The following HPGD variants were observed in gnomAD, a reference collection of about 807,000 sequenced individuals.
HPGD encodes the protein 15-hydroxyprostaglandin dehydrogenase.
In HPGD, 29 loss-of-function variants were observed where a neutral mutation model predicts 30.0. The observed-to-expected ratio is 0.97, with a 90% CI of 0.72 to 1.32. The LOEUF is 1.32. Among genes scored for constraint, HPGD ranks in the 40% most tolerant of loss-of-function variants. The pLI is 0.00. For missense variants in HPGD, 340 were observed against 322.1 expected, an observed-to-expected ratio of 1.06 and a Z score of -0.43; for synonymous variants, 99 against 112.4, an observed-to-expected ratio of 0.88 and a Z score of 0.75.
At chr4:174,500,732 G>A (rs1047227464) in intron 4 of HPGD, among the ~76,000 whole-genome samples, 3 of 152,180 alleles carry the variant, frequency 2.0e-5, no homozygotes, top group African/African-American at 7.2e-5. Flanking sequence ...TTACCAGGAG[G>A]TGGTGGGAGG....
At chr4:174,509,102 A>T (rs1433677360) in intron 3 of HPGD, among the ~76,000 whole-genome samples, 2 of 152,150 alleles carry the variant, frequency 1.3e-5, no homozygotes. Flanking sequence ...ATCTTCAATA[A>T]TTCCATATAT....
intron 3 of HPGD, among the ~76,000 whole-genome samples, chr4:174,510,091 C>T (rs1327179868): frequency 1.3e-5 from 2 of 152,104 alleles, no homozygotes; most frequent in African/African-American, 4.8e-5. Context: ...GAAAACGATA[C>T]AATAGGTAAT....
chr4:174,491,666 A>G lies in HPGD; in HGVS notation c.*290T>C, dbSNP rs1250379259. The G allele has an allele frequency of 1.1e-5, 4 of 358,982 alleles. No individual in the cohort carries two copies. The highest frequency in any genetic ancestry group is 2.1e-5 in the Non-Finnish European group (4 of 191,400). The allele number at this position is 358,982 out of a possible 1,614,324, so 22.2% of individuals were successfully genotyped here. The stretch of plus-strand genomic sequence containing the variant: ...TAATATTTATGAAGCACAGATATAA[A>G]TACACTTTCTGAAAGGCAGAATATT... On this transcript the variant is annotated 3_prime_UTR_variant, in exon 7 of 7. Transcript: ENST00000296522.
intron 3 of HPGD, among the ~76,000 whole-genome samples, chr4:174,513,640 A>G (rs1460416904): frequency 6.6e-6 from 1 of 152,052 alleles, no homozygotes; most frequent in Non-Finnish European, 1.5e-5. Context: ...GTGTCTAACT[A>G]CAGATTAGAG....
chr4:174,502,662 A>G (rs1734975167), intron 4 of HPGD, among the ~76,000 whole-genome samples: 1 of 136,958 alleles, frequency 7.3e-6, no homozygotes. Flanking sequence ...TGGGCGACAG[A>G]GCGAGACTCC....
intron 3 of HPGD, among the ~76,000 whole-genome samples, chr4:174,516,931 A>G (rs994795713): frequency 1.3e-5 from 2 of 152,146 alleles, no homozygotes; most frequent in African/African-American, 4.8e-5. Context: ...GAAAAACACA[A>G]CCCAGTTCTT....
chr4:174,512,032 T>C (rs568981724), intron 3 of HPGD, among the ~76,000 whole-genome samples: 3 of 152,200 alleles, frequency 2.0e-5, no homozygotes, highest in East Asian at 3.9e-4. Context: ...TAAAATAGCC[T>C]AATGGAAACC....
At chr4:174,513,081 C>A (rs1735592420) in intron 3 of HPGD, among the ~76,000 whole-genome samples, 1 of 152,154 alleles carries the variant, frequency 6.6e-6, no homozygotes, top group South Asian at 2.1e-4. Context: ...TTTCTGACAG[C>A]TGATTTTTCA....
chr4:174,512,500 G>A (rs969945904), intron 3 of HPGD, among the ~76,000 whole-genome samples: 23 of 152,048 alleles, frequency 1.5e-4, no homozygotes, highest in South Asian at 2.1e-4. Flanking sequence ...ACATGCAAAA[G>A]AACAAACATG....
chr4:174,495,920 G>A, intron 4 of HPGD: 2 of 369,126 alleles, frequency 5.4e-6, no homozygotes, highest in Non-Finnish European at 1.0e-5. Flanking sequence ...GAAAGTAAAT[G>A]GTATCTAAAA....
chr4:174,495,748 GT>G lies in HPGD; in HGVS notation c.422-125del, dbSNP rs1168955388. The G allele has an allele frequency of 7.0e-5, 52 of 746,194 alleles. No homozygotes were observed. The East Asian group carries it at 1.4e-3, about 20-fold the overall frequency. The allele number at this position is 746,194 out of a possible 1,614,324, so 46.2% of individuals were successfully genotyped here. A position where few individuals can be genotyped will look rare whatever the true frequency, so the allele number is the denominator to read the frequency against. ...ATTTAAGATGAATCTGAATAACACA[GT>G]AACATAAAACCAGATAGCTTTGTGA... On this transcript the variant is annotated intron_variant, in intron 4 of 6. Coordinates refer to ENST00000296522, the MANE Select transcript of HPGD (RefSeq NM_000860.6).
At chr4:174,521,407 CTAT>C (rs946894582) in intron 2 of HPGD, among the ~76,000 whole-genome samples, 1 of 152,046 alleles carries the variant, frequency 6.6e-6, no homozygotes, top group African/African-American at 2.4e-5. Flanking sequence ...ATTATGATTA[CTAT>C]TATTATTATT....
chr4:174,522,452 G>T lies in HPGD; in HGVS notation c.-1C>A. 1 of 1,574,472 alleles carries T rather than the reference G, an allele frequency of 6.4e-7. No individual in the cohort carries two copies. The highest frequency in any genetic ancestry group is 8.6e-7 in the Non-Finnish European group (1 of 1,160,466). ...GCGCCACTTTGCCGTTCACGTGCAT[G>T]GTGCAGCCACTGCTGGGGCGGGCGG... On this transcript the variant is annotated 5_prime_UTR_variant, in exon 1 of 7. Coordinates refer to ENST00000296522, the MANE Select transcript of HPGD (RefSeq NM_000860.6).
At chr4:174,497,560 T>TTTTC (rs1264034726) in intron 4 of HPGD, among the ~76,000 whole-genome samples, 6,467 of 99,890 alleles carry the variant, frequency 0.065, 901 homozygotes, top group Middle Eastern at 0.14. Flanking sequence ...TTTTCTTTCT[T>TTTTC]TTTCTTTCTT....
chr4:174,512,432 G>C (rs2110850203), intron 3 of HPGD, among the ~76,000 whole-genome samples: 1 of 152,136 alleles, frequency 6.6e-6, no homozygotes, highest in East Asian at 1.9e-4. Context: ...AAGAAGGAGA[G>C]ATATATGGTA....
chr4:174,518,327 T>A (rs541990104), intron 2 of HPGD, among the ~76,000 whole-genome samples: 1 of 152,324 alleles, frequency 6.6e-6, no homozygotes, highest in Admixed American at 6.5e-5. Context: ...GAATCTTAAC[T>A]TTAACATATT....
chr4:174,508,541 T>C (rs1288451611), intron 4 of HPGD, among the ~76,000 whole-genome samples, 155 bp downstream of exon 4: 2 of 152,230 alleles, frequency 1.3e-5, no homozygotes, highest in Non-Finnish European at 2.9e-5. Flanking sequence ...TTTCAAACTT[T>C]TGATATTTTG....
intron 4 of HPGD, among the ~76,000 whole-genome samples, chr4:174,508,448 A>G (rs1287858151): frequency 6.6e-6 from 1 of 152,188 alleles, no homozygotes; most frequent in East Asian, 1.9e-4. Flanking sequence ...GCTCTAAAAA[A>G]AAATTATATA....
chr4:174,495,958 T>C (rs564145176), intron 4 of HPGD: 36 of 273,900 alleles, frequency 1.3e-4, no homozygotes, highest in Middle Eastern at 1.3e-3. Context: ...TTAAAGTCAG[T>C]AAATTACCAC....
Sources: allele counts gnomAD v4.1 joint callset (sites outside exome capture counted in the v4.1 genomes callset), GRCh38; gene constraint gnomAD v4.1.1; transcripts MANE v1.5; gene names NCBI Gene and HGNC (gene_info 2026-07-23, HGNC 2026-07-21).